HTR7: variants seen among roughly 807,000 people sequenced by gnomAD.
HTR7 encodes the protein 5-HT-7.
In HTR7, 16 loss-of-function variants were observed where a neutral mutation model predicts 34.0. The observed-to-expected ratio is 0.47, with a 90% CI of 0.32 to 0.71. The LOEUF is 0.71. HTR7 is among the 30% of genes least tolerant of loss of function. HTR7 has a pLI of 0.04. For missense variants in HTR7, 504 were observed against 625.5 expected (o/e 0.81, Z 2.07); for synonymous variants, 265 against 260.2 (o/e 1.02, Z -0.18).
At chr10:90,830,337 C>T (rs966695552) in intron 1 of HTR7, among the ~76,000 whole-genome samples, 1 of 152,174 alleles carries the variant, frequency 6.6e-6, no homozygotes. Flanking sequence ...ACACACAAAC[C>T]ACTTGCTTAC....
At chr10:90,794,734 C>T (rs796093031) in intron 1 of HTR7, among the ~76,000 whole-genome samples, 14 of 152,212 alleles carry the variant, frequency 9.2e-5, no homozygotes, top group African/African-American at 3.4e-4. Flanking sequence ...AACTCCTGGG[C>T]TCAAGCAATC....
chr10:90,782,066 C>T (rs535914137), intron 1 of HTR7, among the ~76,000 whole-genome samples: 1 of 152,188 alleles, frequency 6.6e-6, no homozygotes, highest in Non-Finnish European at 1.5e-5. Context: ...GCCTGTCATG[C>T]ATGGGACATC....
intron 1 of HTR7, among the ~76,000 whole-genome samples, chr10:90,845,485 G>A (rs1449943778): frequency 6.6e-6 from 1 of 152,102 alleles, no homozygotes; most frequent in Non-Finnish European, 1.5e-5. Context: ...CATTAAAAGT[G>A]TTCATATATG....
intron 1 of HTR7, among the ~76,000 whole-genome samples, chr10:90,840,140 ATCTG>A (rs1846305160): frequency 7.4e-6 from 1 of 134,688 alleles, no homozygotes; most frequent in African/African-American, 2.8e-5. Flanking sequence ...CCATCTCTCC[ATCTG>A]TCTGTCTCTC....
chr10:90,811,638 T>C (rs1319821022), intron 1 of HTR7, among the ~76,000 whole-genome samples: 2 of 152,048 alleles, frequency 1.3e-5, no homozygotes, highest in African/African-American at 4.8e-5. Flanking sequence ...CAGTATTCCA[T>C]CTGCTATGCT....
At chr10:90,816,162 C>G (rs1287270762) in intron 1 of HTR7, among the ~76,000 whole-genome samples, 1 of 152,162 alleles carries the variant, frequency 6.6e-6, no homozygotes, top group Non-Finnish European at 1.5e-5. Flanking sequence ...TTACATTACC[C>G]AATAAATAGC....
intron 1 of HTR7, among the ~76,000 whole-genome samples, chr10:90,824,457 T>C (rs1375418992): frequency 6.6e-6 from 1 of 152,178 alleles, no homozygotes; most frequent in East Asian, 1.9e-4. Context: ...CCAGCTGTGG[T>C]AGCCAAGGGG....
At chr10:90,783,487 C>A (rs1456464524) in intron 1 of HTR7, among the ~76,000 whole-genome samples, 1 of 152,178 alleles carries the variant, frequency 6.6e-6, no homozygotes, top group Non-Finnish European at 1.5e-5. Flanking sequence ...AGCTTCTATA[C>A]TGGTTTACCT....
intron 1 of HTR7, among the ~76,000 whole-genome samples, chr10:90,827,224 T>C (rs1846092332): frequency 1.3e-5 from 2 of 151,616 alleles, no homozygotes; most frequent in South Asian, 2.1e-4. Flanking sequence ...CAACAATGAA[T>C]GTAAATGGAC....
intron 1 of HTR7, among the ~76,000 whole-genome samples, chr10:90,781,888 G>A (rs1370635799): frequency 6.6e-6 from 1 of 152,158 alleles, no homozygotes; most frequent in Non-Finnish European, 1.5e-5. Flanking sequence ...ACCACAATTG[G>A]TACCTTACTC....
chr10:90,820,354 G>A (rs1206848018), intron 1 of HTR7, among the ~76,000 whole-genome samples: 3 of 152,092 alleles, frequency 2.0e-5, no homozygotes, highest in Admixed American at 6.6e-5. Context: ...ATCTGAACAC[G>A]GTGTTCAGAA....
chr10:90,829,367 G>A (rs368573060), intron 1 of HTR7, among the ~76,000 whole-genome samples: 10 of 151,710 alleles, frequency 6.6e-5, no homozygotes, highest in Admixed American at 3.9e-4. Flanking sequence ...TTCTTTTTTT[G>A]GGGTTGTCAA....
chr10:90,742,445 A>G lies in HTR7; in HGVS notation c.*37T>C. 1.9e-6 allele frequency: 3 copies of G among 1,546,434 alleles called. No individual in the cohort carries two copies. The highest frequency in any genetic ancestry group is 2.7e-6 in the Non-Finnish European group (3 of 1,129,230). ...ATGACTTCCTTCTGTTTCCACCTCT[A>G]TTTTGCCTTGTTTATTTCATCTCCA... On this transcript the variant is annotated 3_prime_UTR_variant, in exon 4 of 4. Transcript: ENST00000336152.
At chr10:90,823,774 T>C (rs1337817470) in intron 1 of HTR7, among the ~76,000 whole-genome samples, 2 of 152,036 alleles carry the variant, frequency 1.3e-5, no homozygotes, top group African/African-American at 4.8e-5. Context: ...ATTATGGGGG[T>C]GAAAATCCCC....
At chr10:90,770,850 G>C (rs558243664) in intron 1 of HTR7, among the ~76,000 whole-genome samples, 1 of 152,192 alleles carries the variant, frequency 6.6e-6, no homozygotes, top group Non-Finnish European at 1.5e-5. Context: ...CCCCACCTTC[G>C]GGCCAGGGAG....
At chr10:90,820,310 G>A (rs932368012) in intron 1 of HTR7, among the ~76,000 whole-genome samples, 2 of 152,138 alleles carry the variant, frequency 1.3e-5, no homozygotes, top group African/African-American at 2.4e-5. Context: ...TTATTTAGTT[G>A]TTGTTGGCAG....
intron 1 of HTR7, among the ~76,000 whole-genome samples, chr10:90,853,347 G>A (rs1846529563): frequency 7.0e-6 from 1 of 142,714 alleles, no homozygotes; most frequent in Admixed American, 7.2e-5. Flanking sequence ...GTGCAGTGGT[G>A]TAATCTTGGC....
At chr10:90,787,358 C>T (rs974696101) in intron 1 of HTR7, among the ~76,000 whole-genome samples, 2 of 151,950 alleles carry the variant, frequency 1.3e-5, no homozygotes, top group African/African-American at 2.4e-5. Context: ...TGTGGTGGCA[C>T]GCACCTGTAC....
chr10:90,742,482 TC>T lies in HTR7; in HGVS notation c.1439del (p.Ter480=). 1 of 1,601,554 alleles carries T rather than the reference TC, an allele frequency of 6.2e-7. No individual in the cohort carries two copies. The highest frequency in any genetic ancestry group is 8.5e-7 in the Non-Finnish European group (1 of 1,174,566). On this transcript the variant is annotated frameshift_variant and stop_lost, in exon 4 of 4. Coordinates refer to ENST00000336152, the MANE Select transcript of HTR7 (RefSeq NM_019859.4). LOFTEE classifies it high-confidence loss of function. ...TVEKKVMIHD* is the reference protein window; with the variant it reads ...TVEKKVMIHDX ...TTATTTCATCTCCATTGTTCTGCTTTCAATCATGAATCATGACCTTTTTTTC... is the reference window on the plus strand; with the variant it reads ...TTATTTCATCTCCATTGTTCTGCTTTAATCATGAATCATGACCTTTTTTTC...
Sources: allele counts gnomAD v4.1 joint callset (sites outside exome capture counted in the v4.1 genomes callset), GRCh38; gene constraint gnomAD v4.1.1; transcripts MANE v1.5; gene names NCBI Gene and HGNC (gene_info 2026-07-23, HGNC 2026-07-21).